ASTN2: variants seen among roughly 807,000 people sequenced by gnomAD.
ASTN2 encodes astrotactin-2.
A neutral mutation model predicts 139.8 loss-of-function variants in ASTN2; 54 were observed. The ratio of observed to expected loss-of-function variants is 0.39; its 90% CI spans 0.31 to 0.48. ASTN2 has a LOEUF of 0.48. ASTN2 is among the 20% of genes least tolerant of loss of function. The pLI, the probability that ASTN2 is intolerant of heterozygous loss-of-function variation, is 0.95. For synonymous variants in ASTN2, 756 were observed against 719.5 expected (o/e 1.05, Z -0.81); for missense variants, 1,565 against 1,725.1 (o/e 0.91, Z 1.64).
chr9:116,605,978 C>T lies in ASTN2; in HGVS notation c.3355+12346G>A, dbSNP rs1211347971. On this transcript the variant is annotated intron_variant, in intron 19 of 22. Transcript: ENST00000313400. ...TCTGGACAAGTCCATCTCCTCTGAG[C>T]CTTTTTCTTCGTAGGTCAAACAGGA... 5.3e-5 allele frequency among the ~76,000 whole-genome samples: 8 copies of T among 152,098 alleles called. No homozygotes were observed. In the South Asian group the frequency reaches 1.0e-3, roughly 20 times the overall value.
intron 1 of ASTN2, among the ~76,000 whole-genome samples, chr9:117,335,242 T>C (rs1828846667): frequency 6.6e-6 from 1 of 152,224 alleles, no homozygotes; most frequent in Non-Finnish European, 1.5e-5. Context: ...TCTGCTTTTC[T>C]AGAATCCAGA....
chr9:116,666,657 G>A (rs1205596031), intron 16 of ASTN2, among the ~76,000 whole-genome samples: 1 of 151,492 alleles, frequency 6.6e-6, no homozygotes, highest in Non-Finnish European at 1.5e-5. Context: ...TTTATTTTAT[G>A]CATTTTAAAA....
In ASTN2 at chr9:117,008,249, G is replaced by A. The variant is rs201483760; in HGVS notation, c.1434C>T (p.Phe478=). ...CCAGGTAGCTCCCTTCACTCACCAC[G>A]AAGCTGCTTCCTATGGGTGAACGGA... The part of the protein sequence containing the change: ...PEHFIADGSS[F]VVSEGSYLDI... The change falls in exon 7 of 23, where the codon TTC becomes TTT. Residue 478 remains phenylalanine, a synonymous_variant. Transcript: ENST00000313400. 9.4e-6 allele frequency: 15 copies of A among 1,600,768 alleles called. No individual in the cohort carries two copies. The highest frequency in any genetic ancestry group is 3.4e-5 in the South Asian group (3 of 88,802).
intron 10 of ASTN2, among the ~76,000 whole-genome samples, chr9:116,884,811 C>CCCCG (rs1833551225): frequency 7.9e-6 from 1 of 126,414 alleles, no homozygotes; most frequent in Non-Finnish European, 1.6e-5. Context: ...CCGCCCCCCC[C>CCCCG]CCACCCACTT....
intron 2 of ASTN2, among the ~76,000 whole-genome samples, chr9:117,282,307 C>T (rs759699001): frequency 2.0e-5 from 3 of 152,198 alleles, no homozygotes; most frequent in South Asian, 2.1e-4. Flanking sequence ...ATATACATAG[C>T]TATAGCTATA....
At chr9:117,236,771 T>C (rs1018315389) in intron 2 of ASTN2, among the ~76,000 whole-genome samples, 1 of 152,194 alleles carries the variant, frequency 6.6e-6, no homozygotes, top group Non-Finnish European at 1.5e-5. Context: ...TTTAGTTTTC[T>C]CACCTATAAA....
chr9:116,975,495 T>C, intron 9 of ASTN2, 150 bp from the exon 10 acceptor site: 1 of 700,784 alleles, frequency 1.4e-6, no homozygotes, highest in African/African-American at 1.8e-5. Flanking sequence ...TGGCCAACTT[T>C]CTCCAGACCT....
At chr9:117,025,282 C>T (rs573481259) in intron 6 of ASTN2, among the ~76,000 whole-genome samples, 5 of 152,270 alleles carry the variant, frequency 3.3e-5, no homozygotes, top group Admixed American at 2.6e-4. Flanking sequence ...CTCTAACATT[C>T]TACACTTTAG....
intron 1 of ASTN2, among the ~76,000 whole-genome samples, chr9:117,319,867 A>T (rs1323292392): frequency 6.6e-6 from 1 of 152,162 alleles, no homozygotes; most frequent in Admixed American, 6.5e-5. Context: ...ACCCATCAAG[A>T]CATTTAGTGG....
chr9:116,766,061 T>C (rs1829798798), intron 13 of ASTN2, among the ~76,000 whole-genome samples: 1 of 152,132 alleles, frequency 6.6e-6, no homozygotes, highest in East Asian at 1.9e-4. Context: ...AAAATGTATC[T>C]AAGGTGTTTA....
chr9:117,323,359 C>T (rs572144217), intron 1 of ASTN2, among the ~76,000 whole-genome samples: 19 of 152,186 alleles, frequency 1.2e-4, no homozygotes, highest in Non-Finnish European at 2.5e-4. Flanking sequence ...CAAAGACTAC[C>T]ACCACCACCA....
intron 7 of ASTN2, among the ~76,000 whole-genome samples, chr9:116,989,433 T>C (rs1836780699): frequency 6.6e-6 from 1 of 152,122 alleles, no homozygotes; most frequent in South Asian, 2.1e-4. Flanking sequence ...TGCAGGCAGA[T>C]GGTCAGGGTC....
At chr9:116,978,424 T>G (rs1836413016) in intron 7 of ASTN2, among the ~76,000 whole-genome samples, 1 of 152,218 alleles carries the variant, frequency 6.6e-6, no homozygotes, top group African/African-American at 2.4e-5. Context: ...CATCTTCTTG[T>G]AATCACATTA....
At chr9:116,990,901 C>G (rs1836833373) in intron 7 of ASTN2, among the ~76,000 whole-genome samples, 1 of 152,178 alleles carries the variant, frequency 6.6e-6, no homozygotes. Flanking sequence ...GTGTGATGGG[C>G]TGTTCACACC....
In ASTN2 at chr9:117,129,396, C is replaced by T. The variant is rs560664295; in HGVS notation, c.1168+11930G>A. On this transcript the variant is annotated intron_variant, in intron 4 of 22. Transcript: ENST00000313400. ...GATAAAAATTAAACTACATCTAGCC[C>T]TAAATGTTGCAGAGTCATCACTGAA... Among the ~76,000 whole-genome samples, 308 of 152,208 alleles carry T rather than the reference C, an allele frequency of 2.0e-3. 1 individual carries two copies. The highest frequency in any genetic ancestry group is 4.0e-3 in the Non-Finnish European group (270 of 68,018).
At chr9:117,322,997 A>T (rs1049474193) in intron 1 of ASTN2, among the ~76,000 whole-genome samples, 1 of 152,134 alleles carries the variant, frequency 6.6e-6, no homozygotes, top group Admixed American at 6.5e-5. Context: ...CAAGTCCAGA[A>T]TTTAATAAAG....
chr9:116,778,559 G>A lies in ASTN2; in HGVS notation c.2396+27073C>T, dbSNP rs553166076. Reference sequence around the variant, plus strand: ...TCCATGGTATTGCTCAACATTTCTTGTGAGGAAAGCCATGAATAAAACTGT... The same window carrying A: ...TCCATGGTATTGCTCAACATTTCTTATGAGGAAAGCCATGAATAAAACTGT... On this transcript the variant is annotated intron_variant, in intron 13 of 22. Transcript: ENST00000313400. 3.3e-5 allele frequency among the ~76,000 whole-genome samples: 5 copies of A among 152,192 alleles called. No individual in the cohort carries two copies. In the East Asian group the frequency reaches 9.7e-4, roughly 29 times the overall value.
intron 19 of ASTN2, among the ~76,000 whole-genome samples, chr9:116,508,144 G>A (rs577332160): frequency 1.1e-4 from 16 of 152,174 alleles, no homozygotes; most frequent in Non-Finnish European, 1.8e-4. Context: ...ACCCGCCTTG[G>A]CCTCCCAAAG....
At chr9:116,555,751 CCA>C (rs1051565635) in intron 19 of ASTN2, among the ~76,000 whole-genome samples, 8 of 151,774 alleles carry the variant, frequency 5.3e-5, no homozygotes, top group Non-Finnish European at 7.4e-5. Context: ...ACAAAAAAAA[CCA>C]CACACACACA....
Sources: gnomAD v4.1 joint callset for allele counts (sites outside exome capture counted in the v4.1 genomes callset) on GRCh38, gnomAD v4.1.1 for gene constraint, MANE v1.5 for transcripts, NCBI Gene and HGNC (gene_info 2026-07-23, HGNC 2026-07-21) for gene names.